The following RAB39A variants were observed in gnomAD, a reference collection of about 807,000 sequenced individuals.
RAB39A encodes RAB39A, member RAS oncogene family.
RAB39A carries 17 observed loss-of-function variants against 20.9 expected under a neutral mutation model. That is an observed-to-expected ratio of 0.81 (90% CI 0.56 to 1.22). The LOEUF (loss-of-function observed/expected upper bound fraction) is 1.22, where lower values mean the gene tolerates loss of function less well. Ranked by LOEUF, RAB39A falls within the 50% of genes most tolerant of loss-of-function variation. The pLI is 0.00. For missense variants in RAB39A, 234 were observed against 270.5 expected, an observed-to-expected ratio of 0.87 and a Z score of 0.95; for synonymous variants, 99 against 103.4, an observed-to-expected ratio of 0.96 and a Z score of 0.26.
chr11:107,944,680 A>G (rs1861292347), intron 1 of RAB39A, among the ~76,000 whole-genome samples: 1 of 151,850 alleles, frequency 6.6e-6, no homozygotes, highest in Non-Finnish European at 1.5e-5. Context: ...CCACCGCGCC[A>G]GGCCAGAAAG....
At chr11:107,936,970 G>A (rs557217952) in intron 1 of RAB39A, among the ~76,000 whole-genome samples, 1 of 151,912 alleles carries the variant, frequency 6.6e-6, no homozygotes, top group South Asian at 2.1e-4. Flanking sequence ...ATGATTGGTG[G>A]GTCCATAATT....
chr11:107,935,965 G>A (rs570641396), intron 1 of RAB39A, among the ~76,000 whole-genome samples: 46 of 143,298 alleles, frequency 3.2e-4, no homozygotes, highest in African/African-American at 6.3e-4. Flanking sequence ...GAGGGCAGTG[G>A]TGTCATCCTG....
At chr11:107,934,929 C>CAAAAA (rs55682157) in intron 1 of RAB39A, among the ~76,000 whole-genome samples, 2 of 101,636 alleles carry the variant, frequency 2.0e-5, no homozygotes, top group Non-Finnish European at 3.9e-5. Context: ...GACTTCGTCT[C>CAAAAA]AAAAAAAAAA....
At chr11:107,929,936 T>C (rs1347289444) in intron 1 of RAB39A, among the ~76,000 whole-genome samples, 2 of 152,176 alleles carry the variant, frequency 1.3e-5, no homozygotes, top group Non-Finnish European at 2.9e-5. Flanking sequence ...ACTCTGCTTG[T>C]GAAATGCAGT....
chr11:107,949,247 G>C, intron 1 of RAB39A, among the ~76,000 whole-genome samples: 1 of 152,006 alleles, frequency 6.6e-6, no homozygotes, highest in South Asian at 2.1e-4. Flanking sequence ...GGAGGTGGAG[G>C]TTGTGTGAGC....
intron 1 of RAB39A, among the ~76,000 whole-genome samples, chr11:107,937,122 C>A (rs1051487196): frequency 1.3e-5 from 2 of 152,024 alleles, no homozygotes; most frequent in Admixed American, 6.6e-5. Flanking sequence ...TAGTAGAAAT[C>A]TAGCCAAATT....
chr11:107,944,086 C>A (rs1206572440), intron 1 of RAB39A, among the ~76,000 whole-genome samples: 1 of 150,578 alleles, frequency 6.6e-6, no homozygotes, highest in African/African-American at 2.5e-5. Flanking sequence ...CACAGTGAGA[C>A]TCCATCTCAA....
rs144328751 is a variant in RAB39A at position 107,950,256 on chromosome 11, C to T, written c.228-11690C>T. On this transcript the variant is annotated intron_variant, in intron 1 of 1. Coordinates refer to ENST00000320578, the MANE Select transcript of RAB39A (RefSeq NM_017516.3). ...AGTGTGCAATTTTCAGCCCATTTCTCCCCTTTTGACTTTACAAATCCCTAC... is the reference window on the plus strand; with the variant it reads ...AGTGTGCAATTTTCAGCCCATTTCTTCCCTTTTGACTTTACAAATCCCTAC... Among the ~76,000 whole-genome samples, 202 of 151,964 alleles carry T rather than the reference C, an allele frequency of 1.3e-3. 6 individuals are homozygous for T. The East Asian group carries it at 0.037, about 28-fold the overall frequency.
At chr11:107,951,173 A>G (rs978082676) in intron 1 of RAB39A, among the ~76,000 whole-genome samples, 1 of 152,230 alleles carries the variant, frequency 6.6e-6, no homozygotes, top group Non-Finnish European at 1.5e-5. Flanking sequence ...AAGTTTCAGG[A>G]TCTTAAGTGA....
At chr11:107,953,757 T>TG (rs1233841708) in intron 1 of RAB39A, among the ~76,000 whole-genome samples, 2 of 152,166 alleles carry the variant, frequency 1.3e-5, no homozygotes, top group Non-Finnish European at 2.9e-5. Context: ...CTTCTGTTTA[T>TG]GGGGAAAAAA....
At chr11:107,951,504 A>C (rs972980285) in intron 1 of RAB39A, among the ~76,000 whole-genome samples, 4 of 152,174 alleles carry the variant, frequency 2.6e-5, no homozygotes, top group Non-Finnish European at 4.4e-5. Flanking sequence ...CATTTTACCT[A>C]AGGAAGTCAG....
chr11:107,937,398 C>T (rs1350596053), intron 1 of RAB39A, among the ~76,000 whole-genome samples: 2 of 152,054 alleles, frequency 1.3e-5, no homozygotes, highest in African/African-American at 4.8e-5. Flanking sequence ...CCTTGGCCTC[C>T]CAAAGTGTTG....
chr11:107,937,539 AT>A (rs112197410), intron 1 of RAB39A, among the ~76,000 whole-genome samples: 422 of 142,630 alleles, frequency 3.0e-3, no homozygotes, highest in African/African-American at 6.3e-3. Flanking sequence ...AATTATTACT[AT>A]TTTTTTTTTT....
intron 1 of RAB39A, among the ~76,000 whole-genome samples, chr11:107,946,396 ATGTGTGTGTGTGTGTGTGTGTGTG>A (rs71047654): frequency 2.7e-5 from 1 of 37,628 alleles, no homozygotes; most frequent in Middle Eastern, 0.022. Flanking sequence ...GGGTGTATAT[ATGTGTGTGTGTGTGTGTGTGTGTG>A]TGTGTGTGTG....
intron 1 of RAB39A, among the ~76,000 whole-genome samples, chr11:107,959,692 A>G (rs1861476014): frequency 6.6e-6 from 1 of 152,322 alleles, no homozygotes; most frequent in African/African-American, 2.4e-5. Context: ...TCCCACAACA[A>G]AGCTATTTAT....
chr11:107,945,317 A>C (rs1001232054), intron 1 of RAB39A, among the ~76,000 whole-genome samples: 1 of 23,916 alleles, frequency 4.2e-5, no homozygotes, highest in Non-Finnish European at 9.2e-5. Context: ...CCCCGTCTCT[A>C]CAAAAAAAAA....
chr11:107,958,825 GAT>G (rs1219992637), intron 1 of RAB39A, among the ~76,000 whole-genome samples: 5 of 152,108 alleles, frequency 3.3e-5, no homozygotes, highest in Admixed American at 1.3e-4. Flanking sequence ...TTTTTGAAAA[GAT>G]AGTATTTCCT....
chr11:107,938,847 A>T (rs947926198), intron 1 of RAB39A, among the ~76,000 whole-genome samples: 1 of 152,146 alleles, frequency 6.6e-6, no homozygotes, highest in African/African-American at 2.4e-5. Flanking sequence ...CTAGCCAGAC[A>T]TTTGAAAACC....
intron 1 of RAB39A, among the ~76,000 whole-genome samples, chr11:107,932,507 G>A (rs1383488784): frequency 6.6e-6 from 1 of 152,196 alleles, no homozygotes; most frequent in African/African-American, 2.4e-5. Context: ...TCAGGGGAAG[G>A]AGAAAGAGCA....
Sources: gnomAD v4.1 joint callset for allele counts (sites outside exome capture counted in the v4.1 genomes callset) on GRCh38, gnomAD v4.1.1 for gene constraint, MANE v1.5 for transcripts, NCBI Gene and HGNC (gene_info 2026-07-23, HGNC 2026-07-21) for gene names.